The following WWC2 variants were observed in gnomAD, a reference collection of about 807,000 sequenced individuals.
The protein encoded by WWC2 is WW and C2 domain containing 2.
WWC2 carries 101 observed loss-of-function variants against 138.5 expected under a neutral mutation model. The observed-to-expected ratio is 0.73, with a 90% CI of 0.62 to 0.86. The LOEUF (loss-of-function observed/expected upper bound fraction) is 0.86, where lower values mean the gene tolerates loss of function less well. Ranked by LOEUF, WWC2 falls within the 40% of genes least tolerant of loss-of-function variation. WWC2 has a pLI of 0.00. For synonymous variants in WWC2, 558 were observed against 538.4 expected (o/e 1.04, Z -0.50); for missense variants, 1,420 against 1,419.4 (o/e 1.00, Z -0.01).
chr4:183,281,033 A>G (rs931885976), intron 17 of WWC2, 136 bp downstream of exon 17: 222 of 1,311,174 alleles, frequency 1.7e-4, no homozygotes, highest in Non-Finnish European at 2.0e-4. Flanking sequence ...TGTGCTAGGA[A>G]AAGTCTTTCC....
chr4:183,230,017 G>C (rs978647174), intron 4 of WWC2, among the ~76,000 whole-genome samples: 1 of 151,972 alleles, frequency 6.6e-6, no homozygotes, highest in Non-Finnish European at 1.5e-5. Flanking sequence ...TAGAGCTGGG[G>C]TTTTGCCGCA....
intron 21 of WWC2, among the ~76,000 whole-genome samples, chr4:183,292,346 G>GA (rs70956575): frequency 1.6e-3 from 237 of 145,532 alleles, no homozygotes; most frequent in Middle Eastern, 3.5e-3. Context: ...CATCTCCATG[G>GA]AAAAAAAAAA....
At chr4:183,207,802 T>C (rs748797638) in intron 2 of WWC2, 151 bp from the exon 3 acceptor site, 101 of 658,584 alleles carry the variant, frequency 1.5e-4, no homozygotes, top group Non-Finnish European at 2.3e-4. Flanking sequence ...CTGGGTAAAA[T>C]AAAACTAAAA....
At chr4:183,278,527 A>T (rs147748783) in intron 16 of WWC2, among the ~76,000 whole-genome samples, 25,305 of 151,884 alleles carry the variant, frequency 0.17, 2,231 homozygotes, top group South Asian at 0.25. Context: ...AGGCATTGGT[A>T]GCTTGATGGG....
At chr4:183,255,046 G>A (rs931430893) in intron 9 of WWC2, among the ~76,000 whole-genome samples, 11 of 152,206 alleles carry the variant, frequency 7.2e-5, no homozygotes, top group African/African-American at 2.7e-4. Flanking sequence ...AACGTTAACC[G>A]TTTTAGGAGA....
At chr4:183,309,356 C>G (rs1274851904) in intron 21 of WWC2, among the ~76,000 whole-genome samples, 9 of 152,176 alleles carry the variant, frequency 5.9e-5, no homozygotes, top group Non-Finnish European at 1.3e-4. Context: ...GGACTGTTAT[C>G]TAAGTTACAA....
intron 1 of WWC2, among the ~76,000 whole-genome samples, chr4:183,129,231 C>T (rs142437387): frequency 1.4e-4 from 21 of 152,178 alleles, no homozygotes; most frequent in East Asian, 5.8e-4. Context: ...ACAGGAGGAA[C>T]GGCTGGTGGA....
At position 183,319,671 on chromosome 4, in the gene WWC2, A is replaced by C. The variant is rs770263312; in HGVS notation, c.*3942A>C. On this transcript the variant is annotated 3_prime_UTR_variant, in exon 23 of 23. Transcript: ENST00000403733. Reference sequence around the variant, plus strand: ...GTGGCTGGAGCAGGCTGCACAGTGGAGCAGACACCCTCCTAGCAGAAGAGA... The same window carrying C: ...GTGGCTGGAGCAGGCTGCACAGTGGCGCAGACACCCTCCTAGCAGAAGAGA... 8.7e-6 allele frequency: 14 copies of C among 1,613,970 alleles called. No homozygotes were observed. The highest frequency in any genetic ancestry group is 1.3e-5 in the African/African-American group (1 of 74,880).
At chr4:183,142,305 TAC>T (rs1733325428) in intron 1 of WWC2, among the ~76,000 whole-genome samples, 1 of 152,238 alleles carries the variant, frequency 6.6e-6, no homozygotes, top group East Asian at 1.9e-4. Context: ...TTAACTGCAA[TAC>T]ACATTTTCCT....
At chr4:183,205,295 G>A (rs1035802141) in intron 2 of WWC2, among the ~76,000 whole-genome samples, 10 of 152,144 alleles carry the variant, frequency 6.6e-5, no homozygotes, top group Admixed American at 5.2e-4. Context: ...GTTTTGACTT[G>A]TATTTCGCTG....
chr4:183,258,441 A>T (rs994899179), intron 9 of WWC2, among the ~76,000 whole-genome samples: 2 of 152,254 alleles, frequency 1.3e-5, no homozygotes, highest in East Asian at 3.8e-4. Flanking sequence ...ATAGATACCT[A>T]TAAATAAAAT....
chr4:183,169,079 C>T (rs1472807152), intron 1 of WWC2, among the ~76,000 whole-genome samples: 3 of 151,922 alleles, frequency 2.0e-5, no homozygotes, highest in Non-Finnish European at 2.9e-5. Flanking sequence ...AACTCCTGAC[C>T]GCAGATGATC....
At chr4:183,249,769 A>G in intron 7 of WWC2, 151 bp from the exon 8 acceptor site, 1 of 609,962 alleles carries the variant, frequency 1.6e-6, no homozygotes, top group Non-Finnish European at 2.9e-6. Context: ...TACTGAGACA[A>G]TAAAATAAGT....
At chr4:183,260,445 G>C (rs1294124115) in intron 10 of WWC2, among the ~76,000 whole-genome samples, 6 of 152,156 alleles carry the variant, frequency 3.9e-5, no homozygotes, top group Admixed American at 3.9e-4. Context: ...ATGACTTTTT[G>C]GTCAAGGGCA....
chr4:183,181,795 A>G (rs925150755), intron 1 of WWC2, among the ~76,000 whole-genome samples: 1 of 152,182 alleles, frequency 6.6e-6, no homozygotes, highest in African/African-American at 2.4e-5. Context: ...AACTGTACAT[A>G]AGTTTATACA....
intron 18 of WWC2, among the ~76,000 whole-genome samples, 199 bp downstream of exon 18, chr4:183,283,105 C>T (rs1182212173): frequency 6.6e-6 from 1 of 152,116 alleles, no homozygotes; most frequent in Non-Finnish European, 1.5e-5. Flanking sequence ...CCAAGATATT[C>T]TCCACTTATA....
chr4:183,192,864 AT>A (rs1735027377), intron 1 of WWC2, among the ~76,000 whole-genome samples: 2 of 152,174 alleles, frequency 1.3e-5, no homozygotes, highest in South Asian at 4.1e-4. Flanking sequence ...GAAAAAAAAA[AT>A]CTATTGTAAT....
At chr4:183,282,646 A>C in intron 17 of WWC2, 62 bp from the exon 18 acceptor site, 3 of 1,467,398 alleles carry the variant, frequency 2.0e-6, no homozygotes, top group South Asian at 2.4e-5. Context: ...TAGCATGCCC[A>C]GGTTGCGTGT....
rs373411357 is a variant in WWC2, at chr4:183,265,793, G to A, written c.2120+25G>A. 1.4e-5 allele frequency: 23 copies of A among 1,609,356 alleles called. No individual in the cohort carries two copies. In the African/African-American group the frequency reaches 2.5e-4, roughly 18 times the overall value. On this transcript the variant is annotated intron_variant, in intron 13 of 22. Transcript: ENST00000403733. ...GGTAAGGAATGTACGTGGGAAAGGA[G>A]CAGTTCTGACATCTGTGCAGGGCAA... is the stretch of plus-strand genomic sequence containing the variant.
Sources: gnomAD v4.1 joint callset for allele counts (sites outside exome capture counted in the v4.1 genomes callset) on GRCh38, gnomAD v4.1.1 for gene constraint, MANE v1.5 for transcripts, NCBI Gene and HGNC (gene_info 2026-07-23, HGNC 2026-07-21) for gene names.